The following ANXA8 variants were observed in gnomAD, a reference collection of about 807,000 sequenced individuals.
ANXA8 encodes annexin A8.
In ANXA8, 9 loss-of-function variants were observed where a neutral mutation model predicts 26.8. The ratio of observed to expected loss-of-function variants is 0.34; its 90% CI spans 0.20 to 0.59. The LOEUF is 0.59. Ranked by LOEUF, ANXA8 falls within the 20% of genes least tolerant of loss-of-function variation. The pLI, the probability that ANXA8 is intolerant of heterozygous loss-of-function variation, is 0.84. For missense variants in ANXA8, 83 were observed against 238.5 expected (o/e 0.35, Z 4.29); for synonymous variants, 39 against 94.8 (o/e 0.41, Z 3.42).
the ANXA8 span, among the ~76,000 whole-genome samples, chr10:47,954,278 A>G: frequency 6.6e-6 from 1 of 151,064 alleles, no homozygotes; most frequent in African/African-American, 2.4e-5. Flanking sequence ...TGTTAAATGA[A>G]ATAAAAAAGG....
the ANXA8 span, chr10:47,502,444 T>C: frequency 6.2e-7 from 1 of 1,612,298 alleles, no homozygotes; most frequent in East Asian, 2.2e-5. Context: ...CCATTCCTTC[T>C]CTTCCCTCGT....
At chr10:47,586,951 A>G in the ANXA8 span, among the ~76,000 whole-genome samples, 1 of 146,176 alleles carries the variant, frequency 6.8e-6, no homozygotes, top group African/African-American at 2.8e-5. Flanking sequence ...TCATGCCTGT[A>G]ATTCCAGCAC....
At chr10:47,614,501 C>G in the ANXA8 span, among the ~76,000 whole-genome samples, 16 of 65,344 alleles carry the variant, frequency 2.4e-4, 6 homozygotes, top group South Asian at 9.8e-3. Flanking sequence ...GAAGATAGGC[C>G]TTTTCTGCTA....
intron 1 of ANXA8, among the ~76,000 whole-genome samples, chr10:47,483,073 C>G (rs1234544808): frequency 1.3e-5 from 2 of 151,330 alleles, no homozygotes; most frequent in Non-Finnish European, 2.9e-5. Flanking sequence ...CTGTCCCCTT[C>G]TGGATATTCA....
At chr10:47,480,867 T>G (rs1445632638) in intron 1 of ANXA8, among the ~76,000 whole-genome samples, 1 of 114,180 alleles carries the variant, frequency 8.8e-6, no homozygotes, top group African/African-American at 2.9e-5. Context: ...CGCCCATCCA[T>G]CCATCCATCC....
the ANXA8 span, among the ~76,000 whole-genome samples, chr10:47,968,966 A>C: frequency 6.8e-6 from 1 of 147,810 alleles, no homozygotes; most frequent in Non-Finnish European, 1.5e-5. Flanking sequence ...ATCAATAAAC[A>C]ATTTAATTCT....
At chr10:47,586,548 T>A in the ANXA8 span, among the ~76,000 whole-genome samples, 1 of 145,480 alleles carries the variant, frequency 6.9e-6, no homozygotes, top group Non-Finnish European at 1.5e-5. Flanking sequence ...CTTATCCGCA[T>A]CAAAGTGGAG....
chr10:47,580,705 T>C, the ANXA8 span, among the ~76,000 whole-genome samples: 1 of 147,944 alleles, frequency 6.8e-6, no homozygotes, highest in South Asian at 2.1e-4. Flanking sequence ...ATCATACCAC[T>C]ACACTCCAGC....
the ANXA8 span, among the ~76,000 whole-genome samples, chr10:47,679,054 A>AG: frequency 2.9e-5 from 4 of 135,606 alleles, no homozygotes; most frequent in Admixed American, 7.7e-5. Context: ...AAAAAAAAAA[A>AG]AAAAAGAAAA....
At chr10:47,648,601 T>A in the ANXA8 span, among the ~76,000 whole-genome samples, 1 of 129,756 alleles carries the variant, frequency 7.7e-6, no homozygotes, top group Non-Finnish European at 1.6e-5. Context: ...AACCATATGT[T>A]TTATTTTGTA....
chr10:47,743,870 T>C, the ANXA8 span, among the ~76,000 whole-genome samples: 17 of 143,746 alleles, frequency 1.2e-4, no homozygotes, highest in African/African-American at 4.4e-4. Flanking sequence ...GTCCCCACAG[T>C]GCCCAGACCC....
chr10:47,778,762 T>A, the ANXA8 span, among the ~76,000 whole-genome samples: 2 of 151,908 alleles, frequency 1.3e-5, no homozygotes, highest in African/African-American at 4.8e-5. Context: ...TCAGGCACAG[T>A]ATTTTTTTGG....
At chr10:47,723,046 T>A in the ANXA8 span, among the ~76,000 whole-genome samples, 2 of 117,422 alleles carry the variant, frequency 1.7e-5, 1 homozygote, top group Non-Finnish European at 3.6e-5. Context: ...GAAATCTTGA[T>A]CATATTGAGC....
chr10:47,733,288 TTTCTTTC>T, the ANXA8 span, among the ~76,000 whole-genome samples: 5 of 84,246 alleles, frequency 5.9e-5, no homozygotes, highest in Admixed American at 2.4e-4. Context: ...TCTTTCTTTC[TTTCTTTC>T]TTTTTTTTCT....
At chr10:47,687,740 A>T in the ANXA8 span, among the ~76,000 whole-genome samples, 8 of 151,884 alleles carry the variant, frequency 5.3e-5, no homozygotes, top group African/African-American at 1.7e-4. Context: ...TATTCTTTCT[A>T]TGAGGATTAA....
the ANXA8 span, among the ~76,000 whole-genome samples, chr10:47,747,156 A>G: frequency 4.0e-5 from 6 of 151,242 alleles, no homozygotes; most frequent in Non-Finnish European, 8.9e-5. Context: ...GATTTTAGCT[A>G]AGAGGCCGAG....
the ANXA8 span, among the ~76,000 whole-genome samples, chr10:47,575,157 T>G: frequency 7.6e-6 from 1 of 131,566 alleles, no homozygotes; most frequent in Non-Finnish European, 1.6e-5. Context: ...TGAGCTGAGA[T>G]TGTGCCATTG....
At chr10:47,702,431 C>T in the ANXA8 span, among the ~76,000 whole-genome samples, 23 of 151,106 alleles carry the variant, frequency 1.5e-4, no homozygotes, top group African/African-American at 5.6e-4. Context: ...ACCTCTGCCT[C>T]CTGGGTTCTA....
chr10:47,646,155 T>C, the ANXA8 span, among the ~76,000 whole-genome samples: 1 of 147,910 alleles, frequency 6.8e-6, no homozygotes, highest in Non-Finnish European at 1.5e-5. Context: ...TCTACCTCTA[T>C]GTCTACATCT....
Sources: gnomAD v4.1 joint callset for allele counts (sites outside exome capture counted in the v4.1 genomes callset) on GRCh38, gnomAD v4.1.1 for gene constraint, MANE v1.5 for transcripts, NCBI Gene and HGNC (gene_info 2026-07-23, HGNC 2026-07-21) for gene names.